Variants in PDE4D observed in about 807,000 individuals in gnomAD.
The protein encoded by PDE4D is phosphodiesterase 4D, also known as 3',5'-cyclic-AMP phosphodiesterase 4D.
A neutral mutation model predicts 87.4 loss-of-function variants in PDE4D; 24 were observed. The ratio of observed to expected loss-of-function variants is 0.27; its 90% confidence interval spans 0.20 to 0.39. PDE4D has a LOEUF of 0.39. Among genes scored for constraint, PDE4D ranks in the 10% least tolerant of loss-of-function variants. The pLI, the probability that PDE4D is intolerant of heterozygous loss-of-function variation, is 1.00. For synonymous variants in PDE4D, 384 were observed against 383.2 expected, an observed-to-expected ratio of 1.00 and a Z score of -0.02; for missense variants, 714 against 1,041.0, an observed-to-expected ratio of 0.69 and a Z score of 4.32.
intron 1 of PDE4D, among the ~76,000 whole-genome samples, chr5:59,604,087 C>A (rs1234221839): frequency 6.9e-6 from 1 of 145,496 alleles, no homozygotes; most frequent in Non-Finnish European, 1.5e-5. Flanking sequence ...TCAAGACATG[C>A]CATATGTTTG....
chr5:59,580,647 A>T (rs1183635795), intron 1 of PDE4D, among the ~76,000 whole-genome samples: 1 of 151,960 alleles, frequency 6.6e-6, no homozygotes, highest in Non-Finnish European at 1.5e-5. Flanking sequence ...TTAAAAAAAT[A>T]GAGAGAGAGA....
chr5:59,120,578 C>CT (rs1055998575), intron 5 of PDE4D, among the ~76,000 whole-genome samples: 2 of 143,056 alleles, frequency 1.4e-5, no homozygotes, highest in Non-Finnish European at 3.0e-5. Flanking sequence ...CTCCCTTTCT[C>CT]TTTAAAAAAA....
intron 1 of PDE4D, among the ~76,000 whole-genome samples, chr5:59,706,857 G>A (rs1580564765): frequency 4.6e-5 from 7 of 152,134 alleles, no homozygotes; most frequent in Admixed American, 3.9e-4. Context: ...TATTAGAGTG[G>A]TTTTCTTAAA....
chr5:59,815,017 A>G (rs1768819747), intron 1 of PDE4D, among the ~76,000 whole-genome samples: 1 of 152,180 alleles, frequency 6.6e-6, no homozygotes. Context: ...CACAAATGAG[A>G]GATTTTAGCA....
intron 1 of PDE4D, among the ~76,000 whole-genome samples, chr5:60,190,448 A>G (rs1785110617): frequency 6.6e-6 from 1 of 152,240 alleles, no homozygotes; most frequent in African/African-American, 2.4e-5. Context: ...TCTAAAGATG[A>G]CAATAGAGAT....
intron 6 of PDE4D, among the ~76,000 whole-genome samples, chr5:59,003,503 T>C (rs936979509): frequency 6.6e-6 from 1 of 152,242 alleles, no homozygotes; most frequent in Non-Finnish European, 1.5e-5. Flanking sequence ...CCAGCCTTTT[T>C]CCAAATTCTA....
rs973913936 is a variant in PDE4D at position 60,198,636 on chromosome 5, G to GTA, written c.-89-12951_-89-12950dup. Reference sequence around the variant, plus strand: ...AACTCTAAGAAGGCACTCCTTAAATGTAAGCTTTTTATTACTTTGTCCCCT... The same window carrying GTA: ...AACTCTAAGAAGGCACTCCTTAAATGTATAAGCTTTTTATTACTTTGTCCCCT... On this transcript the variant is annotated intron_variant, in intron 1 of 16. Transcript: ENST00000502484. Among the ~76,000 whole-genome samples the GTA allele has an allele frequency of 6.6e-5, 10 of 151,698 alleles. 1 individual carries two copies. The highest frequency in any genetic ancestry group is 1.5e-4 in the Non-Finnish European group (10 of 67,740).
At chr5:60,220,161 G>A (rs758813064) in intron 1 of PDE4D, among the ~76,000 whole-genome samples, 8 of 152,070 alleles carry the variant, frequency 5.3e-5, no homozygotes, top group Non-Finnish European at 1.0e-4. Context: ...CAGTGGGGGC[G>A]GTTTGCTTGC....
At chr5:59,737,504 C>T (rs1445780290) in intron 1 of PDE4D, among the ~76,000 whole-genome samples, 1 of 152,068 alleles carries the variant, frequency 6.6e-6, no homozygotes, top group African/African-American at 2.4e-5. Context: ...AAAGAGTTGA[C>T]ATACATAATT....
chr5:59,084,229 A>G (rs1767282628), intron 5 of PDE4D, among the ~76,000 whole-genome samples: 1 of 152,098 alleles, frequency 6.6e-6, no homozygotes, highest in Non-Finnish European at 1.5e-5. Flanking sequence ...ATAAGGAAAT[A>G]ATAGATTATG....
chr5:60,406,663 T>G (rs1455204088), intron 1 of PDE4D, among the ~76,000 whole-genome samples: 1 of 152,160 alleles, frequency 6.6e-6, no homozygotes, highest in Non-Finnish European at 1.5e-5. Context: ...ACTCCCAAAA[T>G]AGTAATATTA....
At chr5:60,515,421 A>G (rs1750748604) in intron 1 of PDE4D, among the ~76,000 whole-genome samples, 2 of 152,048 alleles carry the variant, frequency 1.3e-5, no homozygotes, top group Non-Finnish European at 2.9e-5. Context: ...TTACATCTTT[A>G]CTGTCTTTCA....
chr5:60,283,401 G>A (rs143785371), intron 1 of PDE4D, among the ~76,000 whole-genome samples: 2 of 152,104 alleles, frequency 1.3e-5, no homozygotes, highest in South Asian at 2.1e-4. Flanking sequence ...TGTAAATTAT[G>A]TTCTTAGTTT....
At chr5:60,500,661 A>G (rs541815968) in intron 1 of PDE4D, among the ~76,000 whole-genome samples, 13 of 152,348 alleles carry the variant, frequency 8.5e-5, no homozygotes, top group African/African-American at 2.9e-4. Flanking sequence ...ATACATATGA[A>G]GTTTATATCC....
At chr5:59,984,443 G>A (rs748760548) in intron 3 of PDE4D, among the ~76,000 whole-genome samples, 18 of 152,116 alleles carry the variant, frequency 1.2e-4, no homozygotes, top group Admixed American at 3.3e-4. Context: ...AGGCATCCCA[G>A]GTCTTAATAA....
At chr5:59,994,965 T>G (rs901746280) in intron 2 of PDE4D, among the ~76,000 whole-genome samples, 2 of 152,166 alleles carry the variant, frequency 1.3e-5, no homozygotes, top group Non-Finnish European at 1.5e-5. Flanking sequence ...TCCTTTTGCT[T>G]AAGCACTTAC....
chr5:60,135,681 T>C (rs1779975085), intron 2 of PDE4D, among the ~76,000 whole-genome samples: 2 of 151,862 alleles, frequency 1.3e-5, no homozygotes, highest in Non-Finnish European at 1.5e-5. Context: ...TAGAGAGAAG[T>C]GATGAAGAGA....
At chr5:59,501,210 T>C (rs1241290774) in intron 1 of PDE4D, among the ~76,000 whole-genome samples, 1 of 152,188 alleles carries the variant, frequency 6.6e-6, no homozygotes, top group Non-Finnish European at 1.5e-5. Flanking sequence ...CATTTCTTAG[T>C]TTTTAGTTGT....
At chr5:60,463,152 GC>G (rs1281055643) in intron 1 of PDE4D, among the ~76,000 whole-genome samples, 1 of 152,096 alleles carries the variant, frequency 6.6e-6, no homozygotes, top group Non-Finnish European at 1.5e-5. Context: ...ATTGTGGATG[GC>G]CTTTTCTGGA....
Sources: allele counts gnomAD v4.1 joint callset (sites outside exome capture counted in the v4.1 genomes callset), GRCh38; gene constraint gnomAD v4.1.1; transcripts MANE v1.5; gene names NCBI Gene and HGNC (gene_info 2026-07-23, HGNC 2026-07-21).